The following NEIL3 variants were observed in gnomAD, a reference collection of about 807,000 sequenced individuals.
NEIL3 encodes the protein endonuclease 8-like 3.
Under a neutral mutation model 57.5 loss-of-function variants are expected in NEIL3, and 48 were observed. The ratio of observed to expected loss-of-function variants is 0.83; its 90% CI spans 0.66 to 1.06. NEIL3 has a LOEUF of 1.06. Ranked by LOEUF, NEIL3 falls within the 50% of genes least tolerant of loss-of-function variation. The pLI is 0.00. For missense variants in NEIL3, 717 were observed against 739.1 expected (o/e 0.97, Z 0.35); for synonymous variants, 261 against 253.2 (o/e 1.03, Z -0.29).
intron 1 of NEIL3, among the ~76,000 whole-genome samples, chr4:177,316,543 G>A (rs948465618): frequency 2.0e-5 from 3 of 152,074 alleles, no homozygotes; most frequent in Non-Finnish European, 4.4e-5. Flanking sequence ...TAAGTAGATG[G>A]TAGAGTAGAA....
the NEIL3 span, among the ~76,000 whole-genome samples, chr4:177,371,082 A>C: frequency 1.3e-5 from 2 of 152,220 alleles, no homozygotes; most frequent in African/African-American, 4.8e-5. Flanking sequence ...CAGTCTTATA[A>C]ATTTTTAAAA....
chr4:177,358,301 G>A (rs1735524023), intron 8 of NEIL3, among the ~76,000 whole-genome samples: 1 of 151,792 alleles, frequency 6.6e-6, no homozygotes, highest in East Asian at 1.9e-4. Flanking sequence ...TGTTTTTGTT[G>A]TTGTTTTTTG....
Position 177,360,610 on chromosome 4 carries a change from G to A in NEIL3, c.1568G>A (p.Gly523Glu), listed in dbSNP as rs1560923803. Residue 523 changes from glycine to glutamate, a missense_variant, in exon 9 of 10, where the codon GGG becomes GAG. Transcript: ENST00000264596. ...ATTCTCCGAGTTGTGGGGAAGGATG[G>A]GGAAAACAAGGGCAGGCAGTTTTAT... ...LCILRVVGKD[G>E]ENKGRQFYAC... is the part of the protein sequence containing the mutation. 2 of 1,613,882 alleles carry A rather than the reference G, an allele frequency of 1.2e-6. No individual in the cohort carries two copies. Among genetic ancestry groups the A allele is most frequent in the East Asian group, 2.2e-5 (1 of 44,890 alleles).
At position 177,341,648 on chromosome 4, in the gene NEIL3, A is replaced by G. The variant is rs201092981; in HGVS notation, c.869+6A>G. 1.6e-5 allele frequency: 25 copies of G among 1,611,014 alleles called. No homozygotes were observed. The highest frequency in any genetic ancestry group is 2.0e-5 in the Non-Finnish European group (24 of 1,178,400). ...CCTCAACATGTTGACATATGGTAAGATATTGAATTTAAAGGGATACCATTT... is the reference window on the plus strand; with the variant it reads ...CCTCAACATGTTGACATATGGTAAGGTATTGAATTTAAAGGGATACCATTT... On this transcript the variant is annotated splice_donor_region_variant and intron_variant, in intron 6 of 9. Coordinates refer to ENST00000264596, the MANE Select transcript of NEIL3 (RefSeq NM_018248.3).
At chr4:177,323,489 G>T (rs1242323198) in intron 2 of NEIL3, among the ~76,000 whole-genome samples, 1 of 152,164 alleles carries the variant, frequency 6.6e-6, no homozygotes, top group Non-Finnish European at 1.5e-5. Flanking sequence ...GTAATCCAGG[G>T]TTTATGTAAT....
chr4:177,359,615 T>C (rs147368868), intron 8 of NEIL3, among the ~76,000 whole-genome samples: 16 of 152,232 alleles, frequency 1.1e-4, no homozygotes, highest in African/African-American at 3.9e-4. Flanking sequence ...AACTGTTTTA[T>C]CATTAAAGAG....
In NEIL3 at chr4:177,332,384, T is replaced by C. The variant is rs79728046; in HGVS notation, c.279-3304T>C. ...TGCTTGGGCTGGGTGGCCGAAGGGT[T>C]TCCGCTGCTGTCCTGTGGCAGACTG... On this transcript the variant is annotated intron_variant, in intron 2 of 9. Coordinates refer to ENST00000264596, the MANE Select transcript of NEIL3 (RefSeq NM_018248.3). Among the ~76,000 whole-genome samples the C allele has an allele frequency of 8.7e-3, 1,329 of 152,284 alleles. 18 individuals carry two copies. Among genetic ancestry groups the C allele is most frequent in the African/African-American group, 0.03 (1,262 of 41,558 alleles).
downstream of NEIL3, among the ~76,000 whole-genome samples, chr4:177,366,301 A>T (rs1390875225): frequency 6.6e-6 from 1 of 150,720 alleles, no homozygotes; most frequent in African/African-American, 2.4e-5. Flanking sequence ...TCTACATTTT[A>T]TGTGAAGTGT....
In NEIL3 at chr4:177,309,938, A is replaced by G; in HGVS notation, c.-16A>G. The G allele has an allele frequency of 6.2e-7, 1 of 1,602,794 alleles. No individual in the cohort carries two copies. Among genetic ancestry groups the G allele is most frequent in the Non-Finnish European group, 8.5e-7 (1 of 1,175,476 alleles). On this transcript the variant is annotated 5_prime_UTR_variant, in exon 1 of 10. Coordinates refer to ENST00000264596, the MANE Select transcript of NEIL3 (RefSeq NM_018248.3). ...CCAGGCCCTGCAATCGGTGGGCCAC[A>G]GTGCCGGCCACAGAGATGGTGGAAG...
chr4:177,329,005 TC>T (rs1265146113), intron 2 of NEIL3, among the ~76,000 whole-genome samples: 1 of 152,174 alleles, frequency 6.6e-6, no homozygotes, highest in Non-Finnish European at 1.5e-5. Context: ...GTTTTGCATA[TC>T]ATTTGAAGAT....
intron 1 of NEIL3, among the ~76,000 whole-genome samples, chr4:177,319,133 A>G (rs530970419): frequency 1.3e-5 from 2 of 152,362 alleles, no homozygotes; most frequent in Admixed American, 6.5e-5. Context: ...AGCAGACTTC[A>G]CATGAGACAT....
intron 2 of NEIL3, among the ~76,000 whole-genome samples, chr4:177,325,961 GT>G (rs1207841534): frequency 3.3e-5 from 5 of 152,020 alleles, no homozygotes; most frequent in Non-Finnish European, 4.4e-5. Context: ...CAGATAACAT[GT>G]TTTGCAAGTA....
chr4:177,316,692 T>G (rs1251233607), intron 1 of NEIL3, among the ~76,000 whole-genome samples: 1 of 152,100 alleles, frequency 6.6e-6, no homozygotes, highest in Non-Finnish European at 1.5e-5. Flanking sequence ...AAATGTGCAC[T>G]GAACCTCAGG....
intron 1 of NEIL3, among the ~76,000 whole-genome samples, chr4:177,321,164 T>C (rs1734678072): frequency 6.6e-6 from 1 of 152,170 alleles, no homozygotes; most frequent in South Asian, 2.1e-4. Context: ...AAATTGTGAC[T>C]TGTTTCTAGA....
chr4:177,352,110 G>A (rs1184583135), intron 7 of NEIL3, among the ~76,000 whole-genome samples: 2 of 152,206 alleles, frequency 1.3e-5, no homozygotes, highest in Non-Finnish European at 2.9e-5. Context: ...GAGGAAACCT[G>A]TGATTAAGAG....
At chr4:177,359,054 G>A (rs1046212432) in intron 8 of NEIL3, among the ~76,000 whole-genome samples, 3 of 152,168 alleles carry the variant, frequency 2.0e-5, no homozygotes, top group Non-Finnish European at 4.4e-5. Flanking sequence ...TAAAGTTTTG[G>A]AGGAGATTGG....
intron 6 of NEIL3, among the ~76,000 whole-genome samples, chr4:177,347,855 A>G (rs989608367): frequency 3.3e-5 from 5 of 152,236 alleles, no homozygotes; most frequent in Non-Finnish European, 5.9e-5. Flanking sequence ...TTTAAACACC[A>G]CAAACATCAG....
At chr4:177,330,819 TAA>T (rs1436207351) in intron 2 of NEIL3, among the ~76,000 whole-genome samples, 12 of 152,208 alleles carry the variant, frequency 7.9e-5, no homozygotes, top group East Asian at 3.8e-4. Flanking sequence ...TTTTTTATAC[TAA>T]GTCTTCAAAA....
At chr4:177,347,468 G>A (rs1488304634) in intron 6 of NEIL3, among the ~76,000 whole-genome samples, 2 of 152,164 alleles carry the variant, frequency 1.3e-5, no homozygotes, top group Non-Finnish European at 2.9e-5. Context: ...TCACTCTGGC[G>A]ACTGTTGCCA....
Sources: gnomAD v4.1 joint callset for allele counts (sites outside exome capture counted in the v4.1 genomes callset) on GRCh38, gnomAD v4.1.1 for gene constraint, MANE v1.5 for transcripts, NCBI Gene and HGNC (gene_info 2026-07-23, HGNC 2026-07-21) for gene names.